The following SCAI variants were observed in gnomAD, a reference collection of about 807,000 sequenced individuals.
The protein encoded by SCAI is protein SCAI.
Under a neutral mutation model 92.2 loss-of-function variants are expected in SCAI, and 24 were observed. The observed-to-expected ratio is 0.26, with a 90% CI of 0.19 to 0.37. SCAI has a LOEUF of 0.37. Ranked by LOEUF, SCAI falls within the 10% of genes least tolerant of loss-of-function variation. SCAI has a pLI of 1.00. For synonymous variants in SCAI, 261 were observed against 258.6 expected (o/e 1.01, Z -0.09); for missense variants, 450 against 736.2 (o/e 0.61, Z 4.50).
intron 3 of SCAI, among the ~76,000 whole-genome samples, chr9:125,043,916 G>A (rs565619190): frequency 4.6e-5 from 7 of 152,228 alleles, no homozygotes; most frequent in Non-Finnish European, 8.8e-5. Context: ...GGAGCCCAGC[G>A]CTCCTGGGTG....
At chr9:125,125,050 G>A (rs1040179758) in intron 2 of SCAI, among the ~76,000 whole-genome samples, 4 of 151,956 alleles carry the variant, frequency 2.6e-5, no homozygotes, top group African/African-American at 9.7e-5. Context: ...GCAAAACACC[G>A]TCTGTATAAA....
rs141535990 is a variant in SCAI at position 124,995,033 on chromosome 9, A to G, written c.1245-18T>C. The G allele has an allele frequency of 1.8e-4, 277 of 1,563,392 alleles. 2 individuals are homozygous for G. The East Asian group carries it at 6.0e-3, about 34-fold the overall frequency. ...GATGAAGGCTGGGAAAACAACAACG[A>G]AGAACTGTTAAACTGTGTCAGCCAC... On this transcript the variant is annotated intron_variant, in intron 13 of 17. Coordinates refer to ENST00000336505, the MANE Select transcript of SCAI (RefSeq NM_001144877.3).
At chr9:125,077,587 T>C (rs1834116906) in intron 2 of SCAI, among the ~76,000 whole-genome samples, 1 of 152,214 alleles carries the variant, frequency 6.6e-6, no homozygotes, top group African/African-American at 2.4e-5. Context: ...ATTGTACTTC[T>C]CCACATCCTC....
chr9:125,117,100 ACATTT>A lies in SCAI; in HGVS notation c.98+25528_98+25532del, dbSNP rs370749036. 9.2e-5 allele frequency among the ~76,000 whole-genome samples: 14 copies of A among 152,296 alleles called. 1 individual carries two copies. In the South Asian group the frequency reaches 2.9e-3, roughly 32 times the overall value. ...TGAAGAGGTTTTTTTTCACTCAGTA[ACATTT>A]CATTAACTACTTATCCATCATCTCC... is the stretch of plus-strand genomic sequence containing the variant. On this transcript the variant is annotated intron_variant, in intron 2 of 17. Transcript: ENST00000336505.
rs2131564045 is a variant in SCAI at position 124,949,886 on chromosome 9, G to A, written c.*2921C>T. On this transcript the variant is annotated 3_prime_UTR_variant, in exon 18 of 18. Transcript: ENST00000336505. This position sits in a 1 kb window ranked among gnomAD's most constrained non-coding sequence, Gnocchi z 4.0. ...TACGCATTTTTTTGAAGGCATCAAT[G>A]AAACAATAACATTTTCCAGCACAGT... is the stretch of plus-strand genomic sequence containing the variant. 1 of 152,208 alleles carries A rather than the reference G, an allele frequency of 6.6e-6. No individual in the cohort carries two copies. The highest frequency in any genetic ancestry group is 2.1e-4 in the South Asian group (1 of 4,828). The allele number at this position is 152,208 out of a possible 1,614,324, so 9.4% of individuals were successfully genotyped here.
chr9:125,084,251 A>C (rs1447017091), intron 2 of SCAI, among the ~76,000 whole-genome samples: 6 of 138,528 alleles, frequency 4.3e-5, no homozygotes, highest in African/African-American at 2.8e-5. Flanking sequence ...GCTCACTGCA[A>C]GCTCCGCCTC....
chr9:125,011,572 G>C (rs1832641235), intron 9 of SCAI, among the ~76,000 whole-genome samples: 1 of 152,250 alleles, frequency 6.6e-6, no homozygotes, highest in Non-Finnish European at 1.5e-5. Context: ...GTACCTGAAA[G>C]TGACAGGGAG....
chr9:125,002,447 T>C (rs1313875250), intron 11 of SCAI, among the ~76,000 whole-genome samples: 1 of 151,126 alleles, frequency 6.6e-6, no homozygotes, highest in Non-Finnish European at 1.5e-5. Context: ...GCTCCTTGAC[T>C]ATATAAGAAG....
At chr9:125,051,895 C>A (rs1459735110) in intron 3 of SCAI, among the ~76,000 whole-genome samples, 1 of 151,910 alleles carries the variant, frequency 6.6e-6, no homozygotes, top group Non-Finnish European at 1.5e-5. Context: ...ATGGTGAAAT[C>A]CCGTTTCTAC....
At chr9:124,986,975 G>A (rs1334110906) in intron 14 of SCAI, among the ~76,000 whole-genome samples, 2 of 152,170 alleles carry the variant, frequency 1.3e-5, no homozygotes, top group Non-Finnish European at 2.9e-5. Flanking sequence ...ATACTTAAAT[G>A]TGCAAAAGGA....
chr9:125,137,751 C>G (rs2131274154), intron 2 of SCAI, among the ~76,000 whole-genome samples: 1 of 152,266 alleles, frequency 6.6e-6, no homozygotes, highest in East Asian at 1.9e-4. Context: ...CAGGCACGCG[C>G]CACCATGCCC....
At chr9:125,029,310 T>C (rs1181603917) in intron 4 of SCAI, among the ~76,000 whole-genome samples, 4 of 151,564 alleles carry the variant, frequency 2.6e-5, no homozygotes, top group Non-Finnish European at 5.9e-5. Context: ...TTTGTAGAGA[T>C]AGGGTTTAGC....
At chr9:125,093,948 A>G (rs1005288369) in intron 2 of SCAI, among the ~76,000 whole-genome samples, 5 of 151,846 alleles carry the variant, frequency 3.3e-5, no homozygotes, top group Non-Finnish European at 5.9e-5. Context: ...TGTCATCTCT[A>G]TCTGAATGTC....
intron 13 of SCAI, among the ~76,000 whole-genome samples, chr9:124,995,269 A>G (rs1337343864): frequency 1.3e-5 from 2 of 152,218 alleles, no homozygotes; most frequent in Admixed American, 1.3e-4. Flanking sequence ...GTGTATTTAA[A>G]GATGACTAAA....
Position 125,002,545 on chromosome 9 carries a change from C to T in SCAI, c.1066-502G>A, listed in dbSNP as rs1416052612. 1.5e-4 allele frequency among the ~76,000 whole-genome samples: 20 copies of T among 133,248 alleles called. No homozygotes were observed. The South Asian group carries it at 1.9e-3, about 13-fold the overall frequency. 87.4% of individuals were successfully genotyped at this position (133,248 alleles called of 152,430 possible). On this transcript the variant is annotated intron_variant, in intron 11 of 17. Coordinates refer to ENST00000336505, the MANE Select transcript of SCAI (RefSeq NM_001144877.3). ...TTGCCCAGGTTGGAGTGCAATGGCGCGATCTCGGCTCACCGCAGCCTCCGC... is the reference window on the plus strand; with the variant it reads ...TTGCCCAGGTTGGAGTGCAATGGCGTGATCTCGGCTCACCGCAGCCTCCGC...
intron 2 of SCAI, among the ~76,000 whole-genome samples, chr9:125,076,533 C>G (rs1022819362): frequency 6.6e-6 from 1 of 151,264 alleles, no homozygotes; most frequent in African/African-American, 2.4e-5. Flanking sequence ...AACTGTGTGG[C>G]CTGCACTTCC....
At chr9:124,979,400 C>G (rs1030704618) in intron 14 of SCAI, among the ~76,000 whole-genome samples, 1 of 151,524 alleles carries the variant, frequency 6.6e-6, no homozygotes, top group African/African-American at 2.4e-5. Context: ...ATTAGCCGGG[C>G]ATGGTGGCGT....
At chr9:124,961,942 C>T (rs529809945) in intron 17 of SCAI, among the ~76,000 whole-genome samples, 2 of 151,026 alleles carry the variant, frequency 1.3e-5, no homozygotes, top group Admixed American at 1.3e-4. Flanking sequence ...GGCAGGTATC[C>T]TTTCCCCTCA....
intron 2 of SCAI, among the ~76,000 whole-genome samples, chr9:125,059,168 A>G (rs886943797): frequency 6.6e-6 from 1 of 152,210 alleles, no homozygotes; most frequent in Non-Finnish European, 1.5e-5. Context: ...TAATCAGACA[A>G]ATCAAAGTCC....
Sources: gnomAD v4.1 joint callset for allele counts (sites outside exome capture counted in the v4.1 genomes callset) on GRCh38, gnomAD v4.1.1 for gene constraint, Gnocchi (gnomAD v3.1) non-coding constraint, MANE v1.5 for transcripts, NCBI Gene and HGNC (gene_info 2026-07-23, HGNC 2026-07-21) for gene names.